Variants in ST6GAL2 observed in about 807,000 individuals in gnomAD.
ST6GAL2 encodes ST6 beta-galactoside alpha-2,6-sialyltransferase 2, also known as beta-galactoside alpha-2,6-sialyltransferase 2.
A neutral mutation model predicts 37.5 loss-of-function variants in ST6GAL2; 24 were observed. The observed-to-expected ratio is 0.64, with a 90% CI of 0.46 to 0.90. The LOEUF (loss-of-function observed/expected upper bound fraction) is 0.90. Ranked by LOEUF, ST6GAL2 falls within the 40% of genes least tolerant of loss-of-function variation. ST6GAL2 has a pLI of 0.00. For synonymous variants in ST6GAL2, 306 were observed against 295.1 expected (o/e 1.04, Z -0.38); for missense variants, 715 against 712.7 (o/e 1.00, Z -0.04).
chr2:106,835,713 A>G (rs1346959299), intron 2 of ST6GAL2, among the ~76,000 whole-genome samples: 1 of 152,310 alleles, frequency 6.6e-6, no homozygotes, highest in East Asian at 1.9e-4. Flanking sequence ...AGTTGTTGAG[A>G]CAGAGACAGA....
chr2:106,870,914 A>C (rs557700865), intron 1 of ST6GAL2, among the ~76,000 whole-genome samples: 7 of 152,326 alleles, frequency 4.6e-5, no homozygotes, highest in Admixed American at 1.3e-4. Context: ...AAGCAAAGTG[A>C]AAGAATTTTA....
At chr2:106,867,178 C>T (rs1360509108) in intron 1 of ST6GAL2, among the ~76,000 whole-genome samples, 1 of 152,072 alleles carries the variant, frequency 6.6e-6, no homozygotes, top group Non-Finnish European at 1.5e-5. Context: ...TCTAATTTCG[C>T]ACAGGGTCCC....
chr2:106,877,393 G>A (rs936598253), intron 1 of ST6GAL2, among the ~76,000 whole-genome samples: 1 of 150,690 alleles, frequency 6.6e-6, no homozygotes, highest in Non-Finnish European at 1.5e-5. Context: ...ATATACACAC[G>A]ATAGAAGGCC....
chr2:106,872,086 A>C (rs1372544454), intron 1 of ST6GAL2, among the ~76,000 whole-genome samples: 2 of 152,254 alleles, frequency 1.3e-5, no homozygotes, highest in African/African-American at 4.8e-5. Context: ...CTGCAGTACA[A>C]CCTTACAACA....
intron 1 of ST6GAL2, among the ~76,000 whole-genome samples, chr2:106,879,763 C>T (rs1171088508): frequency 1.4e-5 from 2 of 146,004 alleles, no homozygotes; most frequent in African/African-American, 2.5e-5. Flanking sequence ...TACATATAGA[C>T]CAACTATATA....
chr2:106,875,686 A>G (rs941230163), intron 1 of ST6GAL2, among the ~76,000 whole-genome samples: 2 of 152,212 alleles, frequency 1.3e-5, no homozygotes, highest in African/African-American at 2.4e-5. Context: ...AATCTATATG[A>G]CTTTAATCTT....
chr2:106,860,189 G>A (rs1677741418), intron 1 of ST6GAL2, among the ~76,000 whole-genome samples: 1 of 152,120 alleles, frequency 6.6e-6, no homozygotes. Flanking sequence ...TCTTTGTTTG[G>A]ATTTTTGGTA....
chr2:106,818,792 C>G (rs1294737605), intron 5 of ST6GAL2, among the ~76,000 whole-genome samples: 2 of 151,734 alleles, frequency 1.3e-5, no homozygotes, highest in Non-Finnish European at 2.9e-5. Flanking sequence ...GACCTTTGAA[C>G]AGAAAATTCA....
chr2:106,824,827 A>C (rs1676141853), intron 5 of ST6GAL2: 2 of 152,254 alleles, frequency 1.3e-5, no homozygotes, highest in Admixed American at 6.5e-5. Flanking sequence ...GTAGTTATTC[A>C]AGATTCCTGT....
intron 1 of ST6GAL2, among the ~76,000 whole-genome samples, chr2:106,868,407 C>T (rs1558724819): frequency 6.6e-6 from 1 of 152,198 alleles, no homozygotes; most frequent in African/African-American, 2.4e-5. Flanking sequence ...TTACAAAGTG[C>T]ATTCATGCAC....
chr2:106,867,261 T>C (rs1293934463), intron 1 of ST6GAL2, among the ~76,000 whole-genome samples: 1 of 152,132 alleles, frequency 6.6e-6, no homozygotes, highest in Non-Finnish European at 1.5e-5. Flanking sequence ...ACTCCAAAGC[T>C]CCTTTGCTTT....
chr2:106,833,012 A>G (rs1676485566), intron 3 of ST6GAL2, among the ~76,000 whole-genome samples: 3 of 152,182 alleles, frequency 2.0e-5, no homozygotes, highest in Non-Finnish European at 4.4e-5. Flanking sequence ...TTGGAGACAG[A>G]GTTGCAGGTG....
chr2:106,806,788 G>T lies in ST6GAL2; in HGVS notation c.1480C>A (p.Arg494Ser). 1 of 1,614,128 alleles carries T rather than the reference G, an allele frequency of 6.2e-7. No homozygotes were observed. The highest frequency in any genetic ancestry group is 1.1e-5 in the South Asian group (1 of 91,078). ...PLLYEKLLVQ[R>S]LNMGTQGDLH... The stretch of plus-strand genomic sequence containing the variant: ...TCCCCCTGCGTGCCCATGTTCAGGC[G>T]CTGCACCAGGAGCTTCTCATAGAGT... Residue 494 changes from arginine to serine, a missense_variant, in exon 6 of 6, where the codon CGC (arginine) becomes AGC (serine). Arg to Ser is a moderately radical substitution (Grantham distance 110). This residue lies in a region of ST6GAL2 where 198 missense variants were observed against 203.6 expected (regional missense o/e 0.97). Coordinates refer to ENST00000409382, the MANE Select transcript of ST6GAL2 (RefSeq NM_001142351.2).
At chr2:106,847,137 G>A (rs1320617267) in intron 1 of ST6GAL2, among the ~76,000 whole-genome samples, 1 of 152,208 alleles carries the variant, frequency 6.6e-6, no homozygotes, top group Non-Finnish European at 1.5e-5. Context: ...TTGTCACTGT[G>A]TGATATTTTA....
chr2:106,828,770 C>A (rs1676299399), intron 5 of ST6GAL2, among the ~76,000 whole-genome samples: 1 of 152,080 alleles, frequency 6.6e-6, no homozygotes, highest in South Asian at 2.1e-4. Flanking sequence ...AACCAATATC[C>A]TTTGGTTCTT....
intron 1 of ST6GAL2, among the ~76,000 whole-genome samples, chr2:106,860,995 T>TA (rs1401119369): frequency 6.6e-6 from 1 of 152,188 alleles, no homozygotes; most frequent in African/African-American, 2.4e-5. Flanking sequence ...CTAACACACT[T>TA]AGGAGGCACC....
chr2:106,871,403 C>CA lies in ST6GAL2; in HGVS notation c.-58+14689dup, dbSNP rs752470036. Among the ~76,000 whole-genome samples, 370 of 151,322 alleles carry CA rather than the reference C, an allele frequency of 2.4e-3. 2 individuals carry two copies. Among genetic ancestry groups the CA allele is most frequent in the Non-Finnish European group, 2.5e-3 (167 of 67,774 alleles). ...AAAGTGTAAGTTTACATGAAATTTA[C>CA]AAAAAAAATGGTTTTCTTTCTTCAA... On this transcript the variant is annotated intron_variant, in intron 1 of 5. Transcript: ENST00000409382.
chr2:106,813,372 G>T, intron 5 of ST6GAL2: 1 of 506,424 alleles, frequency 2.0e-6, no homozygotes, highest in Non-Finnish European at 3.1e-6. Context: ...ATTTCTACTG[G>T]TTTTGATAAA....
At chr2:106,823,054 T>A (rs1676065118) in intron 5 of ST6GAL2, 1 of 152,126 alleles carries the variant, frequency 6.6e-6, no homozygotes. Flanking sequence ...GGTGAAGAGG[T>A]TCTTAGAGTT....
Sources: allele counts gnomAD v4.1 joint callset (sites outside exome capture counted in the v4.1 genomes callset), GRCh38; gene constraint gnomAD v4.1.1; regional missense constraint gnomAD v4.1.1; transcripts MANE v1.5; gene names NCBI Gene and HGNC (gene_info 2026-07-23, HGNC 2026-07-21).